Variants in SOX6 observed in about 807,000 individuals in gnomAD.
SOX6 encodes the protein transcription factor SOX-6.
In SOX6, 11 loss-of-function variants were observed where a neutral mutation model predicts 97.8. The observed-to-expected ratio is 0.11, with a 90% CI of 0.07 to 0.19. SOX6 has a LOEUF of 0.19. SOX6 is among the 10% of genes least tolerant of loss of function. SOX6 has a pLI of 1.00. For synonymous variants in SOX6, 360 were observed against 371.4 expected, an observed-to-expected ratio of 0.97 and a Z score of 0.35; for missense variants, 810 against 1,039.5, an observed-to-expected ratio of 0.78 and a Z score of 3.04.
chr11:16,362,540 T>C (rs1317404085), intron 1 of SOX6, among the ~76,000 whole-genome samples: 1 of 152,088 alleles, frequency 6.6e-6, no homozygotes, highest in African/African-American at 2.4e-5. Context: ...CAATTTTCCC[T>C]TATAGAACAG....
chr11:16,256,938 T>A (rs1853710671), intron 3 of SOX6, among the ~76,000 whole-genome samples: 1 of 151,674 alleles, frequency 6.6e-6, no homozygotes, highest in Non-Finnish European at 1.5e-5. Flanking sequence ...GAATTTGAAA[T>A]GAAAAACACA....
At chr11:16,162,304 GT>G (rs1850769321) in intron 6 of SOX6, among the ~76,000 whole-genome samples, 1 of 152,170 alleles carries the variant, frequency 6.6e-6, no homozygotes, top group Admixed American at 6.5e-5. Context: ...AACCAACTCT[GT>G]CAGTAACTAG....
chr11:16,410,775 A>AG (rs1858791298), intron 1 of SOX6, among the ~76,000 whole-genome samples: 1 of 151,456 alleles, frequency 6.6e-6, no homozygotes, highest in South Asian at 2.1e-4. Flanking sequence ...AAAAAAAAAA[A>AG]AAAAGATATG....
chr11:16,405,605 A>G (rs560856232), intron 1 of SOX6, among the ~76,000 whole-genome samples: 3 of 152,168 alleles, frequency 2.0e-5, no homozygotes, highest in Admixed American at 2.0e-4. Flanking sequence ...TAGCAATACT[A>G]TATACAGTCT....
intron 1 of SOX6, among the ~76,000 whole-genome samples, chr11:16,449,277 CTTTTTTTTTTTTTT>C (rs10611823): frequency 1.7e-3 from 105 of 62,946 alleles, no homozygotes; most frequent in African/African-American, 7.2e-3. Flanking sequence ...AATGCTCCTT[CTTTTTTTTTTTTTT>C]TTTTTTTTTT....
chr11:16,102,573 C>G (rs957052165), intron 7 of SOX6, among the ~76,000 whole-genome samples: 2 of 151,568 alleles, frequency 1.3e-5, no homozygotes, highest in African/African-American at 4.8e-5. Flanking sequence ...TAGCCAAAGA[C>G]AGACTAAGCA....
At chr11:16,437,359 G>A (rs1859399062) in intron 1 of SOX6, among the ~76,000 whole-genome samples, 2 of 151,716 alleles carry the variant, frequency 1.3e-5, no homozygotes, top group Admixed American at 1.3e-4. Flanking sequence ...CAGTATTACA[G>A]TCAGTATATA....
chr11:16,682,002 G>T (rs1011971814), intron 3 of SOX6, among the ~76,000 whole-genome samples: 2 of 152,212 alleles, frequency 1.3e-5, no homozygotes, highest in East Asian at 3.8e-4. Flanking sequence ...TCCAGGACCA[G>T]ACAGATTCAC....
intron 9 of SOX6, among the ~76,000 whole-genome samples, chr11:16,072,111 A>G (rs556958052): frequency 6.6e-6 from 1 of 152,296 alleles, no homozygotes; most frequent in African/African-American, 2.4e-5. Context: ...TCAAAAACAG[A>G]ATTCATTTCT....
intron 4 of SOX6, among the ~76,000 whole-genome samples, chr11:16,608,029 G>T (rs531441581): frequency 2.0e-5 from 3 of 152,176 alleles, no homozygotes; most frequent in African/African-American, 7.2e-5. Context: ...AACTACTAGG[G>T]GAGAACTGGA....
chr11:16,677,525 A>T (rs1321229282), intron 3 of SOX6, among the ~76,000 whole-genome samples: 1 of 152,226 alleles, frequency 6.6e-6, no homozygotes, highest in Non-Finnish European at 1.5e-5. Flanking sequence ...GCATTAACTG[A>T]TTATATAAAG....
At chr11:16,587,053 A>C (rs12576360) in intron 4 of SOX6, among the ~76,000 whole-genome samples, 42,118 of 152,098 alleles carry the variant, frequency 0.28, 6,835 homozygotes, top group East Asian at 0.53. Context: ...GCCTTAATAA[A>C]CACACCTGCT....
Position 16,046,615 on chromosome 11 carries a change from C to G in SOX6, c.1522G>C (p.Glu508Gln), listed in dbSNP as rs1338584513. ...KAIQEARKMREQIQREQQQQQ... is the reference protein window; with the variant it reads ...KAIQEARKMRQQIQREQQQQQ... ...TGCTGTTGCTCCCGCTGGATCTGCT[C>G]TCGCATCTTCCGCGCCTCCTGAATG... Residue 508 changes from glutamate (E) to glutamine (Q), a missense_variant, in exon 12 of 16, where the codon GAG becomes CAG. Glu to Gln is a conservative substitution (Grantham distance 29, BLOSUM62 2). Around this residue, in one of 9 missense-constraint regions of SOX6, gnomAD observed 120 missense variants for 127.0 expected, o/e 0.94. Coordinates refer to ENST00000683767, the MANE Select transcript of SOX6 (RefSeq NM_001367873.1). 1 of 1,613,678 alleles carries G rather than the reference C, an allele frequency of 6.2e-7. No homozygotes were observed. The highest frequency in any genetic ancestry group is 2.2e-5 in the East Asian group (1 of 44,876).
intron 9 of SOX6, among the ~76,000 whole-genome samples, chr11:16,087,450 A>G (rs1015357761): frequency 6.6e-6 from 1 of 152,152 alleles, no homozygotes; most frequent in Non-Finnish European, 1.5e-5. Context: ...CAAATTTCAT[A>G]TTTACTTCAC....
chr11:16,675,823 C>A (rs529341289), intron 3 of SOX6, among the ~76,000 whole-genome samples: 7 of 152,286 alleles, frequency 4.6e-5, no homozygotes, highest in African/African-American at 7.2e-5. Flanking sequence ...CTTATTGAGG[C>A]TCTCTTGTAC....
chr11:16,533,468 G>A (rs914122818), intron 4 of SOX6, among the ~76,000 whole-genome samples: 3 of 151,952 alleles, frequency 2.0e-5, no homozygotes, highest in Admixed American at 6.6e-5. Flanking sequence ...CGTTAAAGGT[G>A]GAAAACATGC....
intron 4 of SOX6, among the ~76,000 whole-genome samples, chr11:16,563,567 A>T (rs1847838291): frequency 6.6e-6 from 1 of 152,232 alleles, no homozygotes; most frequent in Non-Finnish European, 1.5e-5. Flanking sequence ...CAATCTAAAT[A>T]ACAGAGAGAA....
At chr11:16,510,138 C>A (rs1424244195) in intron 4 of SOX6, among the ~76,000 whole-genome samples, 1 of 151,954 alleles carries the variant, frequency 6.6e-6, no homozygotes, top group Non-Finnish European at 1.5e-5. Flanking sequence ...GAAAAGGTTG[C>A]CACTCTCAAA....
At chr11:16,115,216 C>T (rs1849317371) in intron 6 of SOX6, among the ~76,000 whole-genome samples, 1 of 152,140 alleles carries the variant, frequency 6.6e-6, no homozygotes, top group South Asian at 2.1e-4. Flanking sequence ...TGGAAATGAC[C>T]TAACCTAGTA....
Sources: allele counts gnomAD v4.1 joint callset (sites outside exome capture counted in the v4.1 genomes callset), GRCh38; gene constraint gnomAD v4.1.1; regional missense constraint gnomAD v4.1.1; transcripts MANE v1.5; gene names NCBI Gene and HGNC (gene_info 2026-07-23, HGNC 2026-07-21).